Variants in ST18 observed in about 807,000 individuals in gnomAD.
The protein encoded by ST18 is suppression of tumorigenicity 18 protein.
Under a neutral mutation model 110.0 loss-of-function variants are expected in ST18, and 50 were observed. That is an observed-to-expected ratio of 0.45 (90% confidence interval 0.36 to 0.58). The LOEUF is 0.58. ST18 is among the 20% of genes least tolerant of loss of function. ST18 has a pLI of 0.00. For synonymous variants in ST18, 461 were observed against 452.4 expected, an observed-to-expected ratio of 1.02 and a Z score of -0.24; for missense variants, 1,306 against 1,280.1, an observed-to-expected ratio of 1.02 and a Z score of -0.31.
chr8:52,283,298 A>G (rs1260719726), intron 2 of ST18, among the ~76,000 whole-genome samples: 1 of 152,116 alleles, frequency 6.6e-6, no homozygotes. Context: ...TGAAATGGAG[A>G]TGCTGAGAAG....
intron 11 of ST18, among the ~76,000 whole-genome samples, chr8:52,166,143 C>T (rs951817674): frequency 6.6e-6 from 1 of 152,176 alleles, no homozygotes; most frequent in African/African-American, 2.4e-5. Context: ...GGAATCCATA[C>T]CTCCAGGTGA....
chr8:52,141,688 T>C (rs1162595916), intron 17 of ST18, among the ~76,000 whole-genome samples: 1 of 152,068 alleles, frequency 6.6e-6, no homozygotes, highest in Non-Finnish European at 1.5e-5. Context: ...ATGTGGGCCC[T>C]GCAGAAGCCT....
chr8:52,138,362 C>A (rs2053366219), intron 17 of ST18, among the ~76,000 whole-genome samples: 1 of 152,236 alleles, frequency 6.6e-6, no homozygotes, highest in Non-Finnish European at 1.5e-5. Context: ...CTCAGGCCAT[C>A]TGCCAAGAAT....
intron 2 of ST18, among the ~76,000 whole-genome samples, chr8:52,240,033 A>C (rs989028987): frequency 6.6e-6 from 1 of 152,068 alleles, no homozygotes; most frequent in African/African-American, 2.4e-5. Context: ...GGCTCAAGAG[A>C]TCCACCCACC....
chr8:52,335,669 T>G (rs1288208836), intron 2 of ST18, among the ~76,000 whole-genome samples: 1 of 152,204 alleles, frequency 6.6e-6, no homozygotes, highest in African/African-American at 2.4e-5. Flanking sequence ...ATGTCAGCAC[T>G]CAAAAAGTTT....
intron 24 of ST18, among the ~76,000 whole-genome samples, chr8:52,117,374 C>A (rs1345565227): frequency 2.0e-5 from 3 of 152,176 alleles, no homozygotes; most frequent in South Asian, 4.1e-4. Context: ...TACAGCCACT[C>A]GCCCAGCCCC....
intron 17 of ST18, among the ~76,000 whole-genome samples, chr8:52,139,398 C>T (rs1036282159): frequency 6.6e-6 from 1 of 151,918 alleles, no homozygotes; most frequent in African/African-American, 2.4e-5. Context: ...CTTTGTCGCT[C>T]AGGCTGGAGT....
chr8:52,177,025 C>A (rs891059425), intron 9 of ST18, among the ~76,000 whole-genome samples: 3 of 152,190 alleles, frequency 2.0e-5, no homozygotes, highest in African/African-American at 7.2e-5. Context: ...GTCCTCCCAG[C>A]CCCTAGAACT....
At chr8:52,328,257 G>A (rs188473625) in intron 2 of ST18, among the ~76,000 whole-genome samples, 8 of 152,228 alleles carry the variant, frequency 5.3e-5, no homozygotes, top group African/African-American at 1.9e-4. Flanking sequence ...TAGAGTAATA[G>A]GACCAGAATG....
intron 2 of ST18, among the ~76,000 whole-genome samples, chr8:52,316,265 C>T (rs1264738174): frequency 6.6e-6 from 1 of 152,072 alleles, no homozygotes; most frequent in East Asian, 1.9e-4. Flanking sequence ...TTCTTGAGAG[C>T]AAATATGACG....
intron 2 of ST18, among the ~76,000 whole-genome samples, chr8:52,346,014 A>G (rs1316233277): frequency 1.3e-5 from 2 of 152,112 alleles, no homozygotes; most frequent in African/African-American, 4.8e-5. Context: ...AAGATCAAAT[A>G]TATCAATGGA....
intron 8 of ST18, among the ~76,000 whole-genome samples, chr8:52,208,749 C>T (rs1196428245): frequency 2.0e-5 from 3 of 152,162 alleles, no homozygotes; most frequent in Non-Finnish European, 1.5e-5. Flanking sequence ...GCCCGGGAGG[C>T]GGAGCTTGCA....
intron 2 of ST18, among the ~76,000 whole-genome samples, chr8:52,386,172 T>G (rs1015110087): frequency 1.3e-5 from 2 of 152,164 alleles, no homozygotes; most frequent in African/African-American, 4.8e-5. Context: ...AGACAAAACA[T>G]CAGACAGTCA....
At chr8:52,119,817 C>A (rs1041363566) in intron 23 of ST18, among the ~76,000 whole-genome samples, 1 of 152,288 alleles carries the variant, frequency 6.6e-6, no homozygotes, top group African/African-American at 2.4e-5. Flanking sequence ...TGGGTACTTA[C>A]TGCTTTATTA....
intron 2 of ST18, among the ~76,000 whole-genome samples, chr8:52,312,946 A>G (rs1189518293): frequency 1.3e-5 from 2 of 152,116 alleles, no homozygotes; most frequent in East Asian, 3.9e-4. Context: ...ACATCTGAGA[A>G]CTTTATGCAT....
At chr8:52,319,270 CA>C (rs2096083315) in intron 2 of ST18, among the ~76,000 whole-genome samples, 1 of 152,096 alleles carries the variant, frequency 6.6e-6, no homozygotes, top group Non-Finnish European at 1.5e-5. Context: ...TCGCTCAATA[CA>C]AAGCATTTCT....
rs931584945 is a variant in ST18 at position 52,342,441 on chromosome 8, T to C, written c.-465+66887A>G. Reference sequence around the variant, plus strand: ...TTGCTAAAGAGCAGTCCAGGTCTTTTGTTTATTCATTCAACAAACATTATG... The same window carrying C: ...TTGCTAAAGAGCAGTCCAGGTCTTTCGTTTATTCATTCAACAAACATTATG... On this transcript the variant is annotated intron_variant, in intron 2 of 25. Transcript: ENST00000689386. 5.9e-5 allele frequency among the ~76,000 whole-genome samples: 9 copies of C among 152,358 alleles called. No homozygotes were observed. In the East Asian group the frequency reaches 1.7e-3, roughly 29 times the overall value.
chr8:52,225,601 G>T (rs1341837284), intron 3 of ST18, among the ~76,000 whole-genome samples: 1 of 152,182 alleles, frequency 6.6e-6, no homozygotes, highest in Non-Finnish European at 1.5e-5. Flanking sequence ...CAGCAAGCAG[G>T]CCTGATTACT....
At chr8:52,352,633 A>G (rs1333397869) in intron 2 of ST18, among the ~76,000 whole-genome samples, 1 of 152,218 alleles carries the variant, frequency 6.6e-6, no homozygotes, top group African/African-American at 2.4e-5. Flanking sequence ...AGCAACAGTC[A>G]GGGAGCCTCT....
Sources: allele counts gnomAD v4.1 joint callset (sites outside exome capture counted in the v4.1 genomes callset), GRCh38; gene constraint gnomAD v4.1.1; transcripts MANE v1.5; gene names NCBI Gene and HGNC (gene_info 2026-07-23, HGNC 2026-07-21).